Variants in STARD13 observed in about 807,000 individuals in gnomAD.
The protein encoded by STARD13 is stAR-related lipid transfer protein 13.
A neutral mutation model predicts 106.4 loss-of-function variants in STARD13; 62 were observed. That is an observed-to-expected ratio of 0.58 (90% confidence interval 0.48 to 0.72). The LOEUF is 0.72. Ranked by LOEUF, STARD13 falls within the 30% of genes least tolerant of loss-of-function variation. STARD13 has a pLI of 0.00. For missense variants in STARD13, 1,387 were observed against 1,424.0 expected (o/e 0.97, Z 0.42); for synonymous variants, 565 against 553.0 (o/e 1.02, Z -0.31).
At chr13:33,181,101 C>T (rs962686571) in intron 1 of STARD13, among the ~76,000 whole-genome samples, 2 of 152,070 alleles carry the variant, frequency 1.3e-5, no homozygotes, top group Non-Finnish European at 2.9e-5. Flanking sequence ...TGTGTGTTTA[C>T]TCTACCTCTA....
chr13:33,519,642 G>A, the STARD13 span, among the ~76,000 whole-genome samples: 2 of 151,950 alleles, frequency 1.3e-5, no homozygotes, highest in Admixed American at 6.6e-5. Context: ...TTTAGCAAGC[G>A]CCATTACATA....
chr13:33,350,788 C>T (rs1473011061), upstream of STARD13: 2 of 380,990 alleles, frequency 5.2e-6, no homozygotes, highest in African/African-American at 4.4e-5. Flanking sequence ...CCTTCCCTCC[C>T]TCGCCCAACC....
intron 1 of STARD13, among the ~76,000 whole-genome samples, chr13:33,298,357 G>A (rs1330281553): frequency 1.3e-5 from 2 of 148,748 alleles, no homozygotes; most frequent in Non-Finnish European, 3.0e-5. Flanking sequence ...GTCCAGTCTA[G>A]AACTCCTGAC....
At chr13:33,328,109 A>G (rs767340198) in intron 1 of STARD13, among the ~76,000 whole-genome samples, 4 of 152,246 alleles carry the variant, frequency 2.6e-5, no homozygotes, top group Non-Finnish European at 5.9e-5. Context: ...GGGTTCTTGA[A>G]TTAATATACT....
At chr13:33,498,799 A>G in the STARD13 span, among the ~76,000 whole-genome samples, 4 of 152,230 alleles carry the variant, frequency 2.6e-5, no homozygotes, top group Non-Finnish European at 5.9e-5. Flanking sequence ...GCATATTTGC[A>G]TATGCAATGC....
chr13:33,375,874 G>T, the STARD13 span, among the ~76,000 whole-genome samples: 1 of 152,160 alleles, frequency 6.6e-6, no homozygotes, highest in African/African-American at 2.4e-5. Context: ...CCCTGGTTTG[G>T]CTGATTAAGT....
At chr13:33,592,722 A>C in the STARD13 span, among the ~76,000 whole-genome samples, 1 of 152,246 alleles carries the variant, frequency 6.6e-6, no homozygotes, top group Non-Finnish European at 1.5e-5. Context: ...TTCCCAGTCC[A>C]ATTTTCTGAC....
the STARD13 span, among the ~76,000 whole-genome samples, chr13:33,611,744 A>G: frequency 6.6e-6 from 1 of 152,202 alleles, no homozygotes. Flanking sequence ...GTCCTTTGTA[A>G]AGCCCAGCAG....
chr13:33,568,678 G>T, the STARD13 span, among the ~76,000 whole-genome samples: 1 of 147,654 alleles, frequency 6.8e-6, no homozygotes, highest in African/African-American at 2.5e-5. Context: ...GTTATAAACG[G>T]GATTAAACAG....
At chr13:33,494,300 G>A in the STARD13 span, among the ~76,000 whole-genome samples, 5 of 152,058 alleles carry the variant, frequency 3.3e-5, no homozygotes, top group African/African-American at 1.2e-4. Context: ...CCATTAATAA[G>A]CACACTACAC....
At chr13:33,499,603 CTTTCTTCTT>C in the STARD13 span, among the ~76,000 whole-genome samples, 370 of 47,280 alleles carry the variant, frequency 7.8e-3, 15 homozygotes, top group Admixed American at 9.9e-3. Flanking sequence ...TCTTCTTCTT[CTTTCTTCTT>C]CTTCTTCTTC....
At chr13:33,618,504 C>T in the STARD13 span, among the ~76,000 whole-genome samples, 1 of 152,096 alleles carries the variant, frequency 6.6e-6, no homozygotes, top group Non-Finnish European at 1.5e-5. Context: ...TCCAAATGTG[C>T]ATACATCCAT....
chr13:33,424,889 C>A, the STARD13 span, among the ~76,000 whole-genome samples: 2 of 152,110 alleles, frequency 1.3e-5, no homozygotes, highest in African/African-American at 2.4e-5. Context: ...GACAAGCTGG[C>A]CTTTGGTAAA....
At chr13:33,412,301 C>T in the STARD13 span, among the ~76,000 whole-genome samples, 1 of 152,056 alleles carries the variant, frequency 6.6e-6, no homozygotes, top group Admixed American at 6.5e-5. Flanking sequence ...GGTGTCATGT[C>T]TAGAGCAACC....
At chr13:33,591,591 T>TTTAA in the STARD13 span, among the ~76,000 whole-genome samples, 3 of 152,206 alleles carry the variant, frequency 2.0e-5, 1 homozygote, top group South Asian at 6.2e-4. Context: ...TCACAACAAA[T>TTTAA]TTAACATTCC....
chr13:33,529,346 G>C, the STARD13 span, among the ~76,000 whole-genome samples: 1 of 152,112 alleles, frequency 6.6e-6, no homozygotes, highest in Non-Finnish European at 1.5e-5. Flanking sequence ...ATTACATATG[G>C]AACAAGCTTT....
chr13:33,394,412 A>C, the STARD13 span, among the ~76,000 whole-genome samples: 1 of 152,138 alleles, frequency 6.6e-6, no homozygotes. Flanking sequence ...CAATGACCCT[A>C]TGTGGCCTGT....
At chr13:33,619,460 T>C in the STARD13 span, among the ~76,000 whole-genome samples, 1 of 152,214 alleles carries the variant, frequency 6.6e-6, no homozygotes, top group Non-Finnish European at 1.5e-5. Context: ...TTAAGTAAAG[T>C]AGTATAATAA....
At chr13:33,637,663 T>A in the STARD13 span, among the ~76,000 whole-genome samples, 1 of 152,228 alleles carries the variant, frequency 6.6e-6, no homozygotes, top group African/African-American at 2.4e-5. Context: ...TCAGGCTTCT[T>A]AGCAGTTCAC....
Sources: allele counts gnomAD v4.1 joint callset (sites outside exome capture counted in the v4.1 genomes callset), GRCh38; gene constraint gnomAD v4.1.1; transcripts MANE v1.5; gene names NCBI Gene and HGNC (gene_info 2026-07-23, HGNC 2026-07-21).